WDR64: variants seen among roughly 807,000 people sequenced by gnomAD.
WDR64 encodes WD repeat domain 64.
A neutral mutation model predicts 139.3 loss-of-function variants in WDR64; 112 were observed. The observed-to-expected ratio is 0.80, with a 90% CI of 0.69 to 0.94. The LOEUF is 0.94. Ranked by LOEUF, WDR64 falls within the 40% of genes least tolerant of loss-of-function variation. The probability of loss-of-function intolerance (pLI) is 0.00; values close to 1 mark genes in which losing one functional copy is unlikely to be tolerated. For synonymous variants in WDR64, 444 were observed against 437.7 expected, an observed-to-expected ratio of 1.01 and a Z score of -0.18; for missense variants, 1,206 against 1,293.1, an observed-to-expected ratio of 0.93 and a Z score of 1.03.
intron 2 of WDR64, 85 bp downstream of exon 2, chr1:241,660,745 C>A (rs1416511574): frequency 2.8e-6 from 4 of 1,448,144 alleles, no homozygotes; most frequent in Admixed American, 2.1e-5. Context: ...AGTGTTACTG[C>A]CACAGGGGTT....
intron 27 of WDR64, among the ~76,000 whole-genome samples, 199 bp from the exon 28 acceptor site, chr1:241,800,933 C>T (rs1341113511): frequency 2.6e-5 from 4 of 151,898 alleles, no homozygotes; most frequent in Non-Finnish European, 5.9e-5. Context: ...GCTTGTCCAC[C>T]GCATCCTTCA....
chr1:241,718,634 C>G lies in WDR64; in HGVS notation c.1055-4663C>G, dbSNP rs571461585. On this transcript the variant is annotated intron_variant, in intron 9 of 27. Coordinates refer to ENST00000437684, the MANE Select transcript of WDR64 (RefSeq NM_001367482.1). ...ATTCCATTTCCTCATTAACCACAAC[C>G]CCTCCAATATCTTGTTTGATGTTTT... is the stretch of plus-strand genomic sequence containing the variant. Among the ~76,000 whole-genome samples, 93 of 152,202 alleles carry G rather than the reference C, an allele frequency of 6.1e-4. 4 individuals are homozygous for G. The South Asian group carries it at 0.016, about 27-fold the overall frequency.
chr1:241,795,305 G>C lies in WDR64; in HGVS notation c.3078+18G>C. 6.2e-7 allele frequency: 1 copy of C among 1,603,040 alleles called. No homozygotes were observed. Among genetic ancestry groups the C allele is most frequent in the Non-Finnish European group, 8.5e-7 (1 of 1,172,260 alleles). The stretch of plus-strand genomic sequence containing the variant: ...TATACAGTGTGAGTTGGAGTTTCTA[G>C]GAGTAGAGGGGTCACAGAACAGTAG... On this transcript the variant is annotated intron_variant, in intron 26 of 27. Coordinates refer to ENST00000437684, the MANE Select transcript of WDR64 (RefSeq NM_001367482.1).
Position 241,687,483 on chromosome 1 carries a change from G to A in WDR64, c.862G>A (p.Asp288Asn). The change falls in exon 8 of 28, where the codon GAC (aspartate) becomes AAC (asparagine). Residue 288 changes from aspartate to asparagine, a missense_variant. By Grantham distance (23) the Asp-to-Asn change is conservative (BLOSUM62 1). Coordinates refer to ENST00000437684, the MANE Select transcript of WDR64 (RefSeq NM_001367482.1). ...FKSVKRKLHN[D>N]WVMKIRYISA... Reference sequence around the variant, plus strand: ...CAGTGTTAAAAGGAAGCTACATAATGACTGGGTTATGAAAATTAGATATAT... The same window carrying A: ...CAGTGTTAAAAGGAAGCTACATAATAACTGGGTTATGAAAATTAGATATAT... The A allele has an allele frequency of 6.2e-7, 1 of 1,613,854 alleles. No individual in the cohort carries two copies. Among genetic ancestry groups the A allele is most frequent in the Non-Finnish European group, 8.5e-7 (1 of 1,179,926 alleles).
chr1:241,660,550 T>C lies in WDR64; in HGVS notation c.166T>C (p.Phe56Leu), dbSNP rs1008080616. The change falls in exon 2 of 28, where the codon TTT (phenylalanine) becomes CTT (leucine). Residue 56 changes from phenylalanine to leucine, a missense_variant. By Grantham distance (22) the Phe-to-Leu change is conservative. Transcript: ENST00000437684. ...HKEDAIGYDK[F>L]YASVQKLFGP... ...TGCAGATGCAATTGGTTATGACAAG[T>C]TTTATGCATCGGTACAGAAGCTCTT... 8 of 1,551,606 alleles carry C rather than the reference T, an allele frequency of 5.2e-6. No individual in the cohort carries two copies. The South Asian group carries it at 8.3e-5, about 16-fold the overall frequency.
At chr1:241,754,124 T>G (rs1670081147) in intron 14 of WDR64, among the ~76,000 whole-genome samples, 1 of 151,946 alleles carries the variant, frequency 6.6e-6, no homozygotes, top group Admixed American at 6.6e-5. Flanking sequence ...CGCAGACACA[T>G]GAAAAAATGT....
chr1:241,667,794 A>ACTTC (rs1666076392), intron 2 of WDR64, among the ~76,000 whole-genome samples: 1 of 152,230 alleles, frequency 6.6e-6, no homozygotes, highest in South Asian at 2.1e-4. Context: ...TCATATTAGG[A>ACTTC]AAATGAGAGC....
chr1:241,680,723 G>T (rs1666751442), intron 6 of WDR64, among the ~76,000 whole-genome samples: 1 of 152,018 alleles, frequency 6.6e-6, no homozygotes, highest in South Asian at 2.1e-4. Context: ...CCTTCACAGT[G>T]GCTAAGCACT....
intron 8 of WDR64, among the ~76,000 whole-genome samples, chr1:241,705,100 A>G (rs1020939645): frequency 6.6e-6 from 1 of 152,174 alleles, no homozygotes; most frequent in Non-Finnish European, 1.5e-5. Flanking sequence ...AGAAGAGCCT[A>G]AAGTGGGGAA....
At chr1:241,675,123 CCTTCCCTCCTTCCCTCCCTT>C (rs1666472131) in intron 4 of WDR64, among the ~76,000 whole-genome samples, 20 of 17,294 alleles carry the variant, frequency 1.2e-3, no homozygotes, top group Middle Eastern at 0.062. Context: ...CTCCCTCCCT[CCTTCCCTCCTTCCCTCCCTT>C]CTTCCTTCCT....
At chr1:241,665,766 T>C (rs1666003772) in intron 2 of WDR64, among the ~76,000 whole-genome samples, 1 of 152,162 alleles carries the variant, frequency 6.6e-6, no homozygotes, top group South Asian at 2.1e-4. Context: ...CAATGTCATG[T>C]TAGTCTGGGT....
chr1:241,798,334 TAA>T (rs1180921939), intron 27 of WDR64, among the ~76,000 whole-genome samples: 5 of 152,190 alleles, frequency 3.3e-5, no homozygotes, highest in Non-Finnish European at 5.9e-5. Context: ...TCTGGTTTAC[TAA>T]AAGAAATAGT....
rs1288490669 is a variant in WDR64 at position 241,774,560 on chromosome 1, G to A, written c.2431-545G>A. Among the ~76,000 whole-genome samples, 7 of 152,074 alleles carry A rather than the reference G, an allele frequency of 4.6e-5. No homozygotes were observed. The South Asian group carries it at 1.0e-3, about 23-fold the overall frequency. On this transcript the variant is annotated intron_variant, in intron 20 of 27. Coordinates refer to ENST00000437684, the MANE Select transcript of WDR64 (RefSeq NM_001367482.1). The stretch of plus-strand genomic sequence containing the variant: ...TTCCCAGTGCTGGCTTATACTGAGC[G>A]CTGAAAAACAACCTGTTTGAATTTA...
intron 10 of WDR64, among the ~76,000 whole-genome samples, chr1:241,734,248 A>G (rs140978085): frequency 2.4e-4 from 36 of 152,208 alleles, no homozygotes; most frequent in African/African-American, 8.4e-4. Flanking sequence ...CATCTTACAT[A>G]TATTAATTGA....
chr1:241,754,540 A>T (rs940156167), intron 14 of WDR64, among the ~76,000 whole-genome samples: 1 of 151,802 alleles, frequency 6.6e-6, no homozygotes, highest in African/African-American at 2.4e-5. Flanking sequence ...GGATAGTCTC[A>T]ATCTCTTGAC....
chr1:241,764,044 G>A (rs1407296079), intron 15 of WDR64, among the ~76,000 whole-genome samples: 4 of 152,150 alleles, frequency 2.6e-5, no homozygotes, highest in African/African-American at 9.7e-5. Flanking sequence ...TAATGTGAAC[G>A]AAATAATGGA....
intron 13 of WDR64, among the ~76,000 whole-genome samples, chr1:241,746,429 A>G (rs1669756741): frequency 6.6e-6 from 1 of 152,140 alleles, no homozygotes; most frequent in Admixed American, 6.6e-5. Context: ...CCCTTCTTCC[A>G]GGTCCCCCAA....
intron 27 of WDR64, among the ~76,000 whole-genome samples, chr1:241,797,683 G>A (rs549266893): frequency 1.3e-5 from 2 of 151,862 alleles, no homozygotes; most frequent in Admixed American, 6.6e-5. Context: ...AAGAATTTTT[G>A]GCATTAGAAG....
chr1:241,758,021 A>G (rs1346619023), intron 15 of WDR64, among the ~76,000 whole-genome samples: 1 of 152,116 alleles, frequency 6.6e-6, no homozygotes, highest in African/African-American at 2.4e-5. Flanking sequence ...AGATCCAAAC[A>G]AGGTTTATTT....
Sources: allele counts gnomAD v4.1 joint callset (sites outside exome capture counted in the v4.1 genomes callset), GRCh38; gene constraint gnomAD v4.1.1; transcripts MANE v1.5; gene names NCBI Gene and HGNC (gene_info 2026-07-23, HGNC 2026-07-21).